The following SLCO1C1 variants were observed in gnomAD, a reference collection of about 807,000 sequenced individuals.
SLCO1C1 encodes OAT-RP-5.
SLCO1C1 carries 70 observed loss-of-function variants against 76.4 expected under a neutral mutation model. The ratio of observed to expected loss-of-function variants is 0.92; its 90% CI spans 0.76 to 1.12. The LOEUF (loss-of-function observed/expected upper bound fraction) is 1.12. Among genes scored for constraint, SLCO1C1 ranks in the 50% most tolerant of loss-of-function variants. SLCO1C1 has a pLI of 0.00. For missense variants in SLCO1C1, 912 were observed against 823.8 expected (o/e 1.11, Z -1.31); for synonymous variants, 306 against 286.1 (o/e 1.07, Z -0.70).
At chr12:20,712,961 C>T (rs1022809521) in intron 5 of SLCO1C1, among the ~76,000 whole-genome samples, 3 of 152,098 alleles carry the variant, frequency 2.0e-5, no homozygotes, top group African/African-American at 4.8e-5. Flanking sequence ...GAACAGCAGC[C>T]TTGTTTATGT....
intron 10 of SLCO1C1, among the ~76,000 whole-genome samples, chr12:20,733,319 AC>A (rs1413930088): frequency 3.9e-5 from 6 of 152,190 alleles, no homozygotes; most frequent in African/African-American, 1.4e-4. Context: ...AAATTGCTAA[AC>A]CCATATTTTA....
chr12:20,716,857 T>G (rs1236673479), intron 6 of SLCO1C1, among the ~76,000 whole-genome samples: 3 of 152,210 alleles, frequency 2.0e-5, no homozygotes, highest in Admixed American at 6.5e-5. Context: ...AAATAAAAGT[T>G]TTTTCCATTT....
intron 13 of SLCO1C1, among the ~76,000 whole-genome samples, chr12:20,749,431 C>A (rs1439270283): frequency 6.6e-6 from 1 of 152,138 alleles, no homozygotes; most frequent in East Asian, 1.9e-4. Context: ...TGACCATGGA[C>A]TGCCAGACAA....
chr12:20,740,356 T>C lies in SLCO1C1; in HGVS notation c.1721T>C (p.Ile574Thr), dbSNP rs1274093485. Residue 574 changes from isoleucine to threonine, a missense_variant, in exon 12 of 15, where the codon ATA (isoleucine) becomes ACA (threonine). Transcript: ENST00000266509. ...TLSLGGIPGY[I>T]LLLRCIKPQL... ...TCCCTAGGTGGCATACCTGGATACA[T>C]ATTACTTCTGAGGTGAGTACTGATT... The C allele has an allele frequency of 6.2e-7, 1 of 1,612,758 alleles. No homozygotes were observed. The highest frequency in any genetic ancestry group is 1.1e-5 in the South Asian group (1 of 90,826).
intron 14 of SLCO1C1, among the ~76,000 whole-genome samples, chr12:20,751,594 T>C (rs1056460016): frequency 6.6e-6 from 1 of 152,126 alleles, no homozygotes; most frequent in African/African-American, 2.4e-5. Context: ...TTTTGGTCTT[T>C]GAAAGGGACC....
intron 10 of SLCO1C1, among the ~76,000 whole-genome samples, chr12:20,733,361 A>C (rs1440489911): frequency 2.0e-5 from 3 of 152,196 alleles, no homozygotes; most frequent in Non-Finnish European, 4.4e-5. Flanking sequence ...TAATTTAGAA[A>C]AACAACATGA....
intron 9 of SLCO1C1, among the ~76,000 whole-genome samples, chr12:20,724,445 ATATATATGTGTGTGTG>A (rs1947851157): frequency 2.1e-5 from 2 of 96,514 alleles, no homozygotes; most frequent in African/African-American, 4.2e-5. Context: ...ATATATATAT[ATATATATGTGTGTGTG>A]TGTGTGTGTG....
chr12:20,723,431 C>G (rs1947781902), intron 9 of SLCO1C1, among the ~76,000 whole-genome samples, 177 bp downstream of exon 9: 1 of 151,866 alleles, frequency 6.6e-6, no homozygotes, highest in Non-Finnish European at 1.5e-5. Flanking sequence ...GGTAAGTAAC[C>G]CAGAGAGCAA....
intron 7 of SLCO1C1, among the ~76,000 whole-genome samples, chr12:20,717,599 T>TGACAGAAA (rs544983279): frequency 4.8e-5 from 7 of 146,858 alleles, no homozygotes; most frequent in Non-Finnish European, 1.0e-4. Flanking sequence ...TTTGGGGACT[T>TGACAGAAA]GACAGAAAGA....
At chr12:20,737,352 A>C in intron 11 of SLCO1C1, 80 bp downstream of exon 11, 1 of 1,405,566 alleles carries the variant, frequency 7.1e-7, no homozygotes, top group Non-Finnish European at 9.5e-7. Flanking sequence ...CTCACAGCAG[A>C]CCACTACTAG....
intron 9 of SLCO1C1, among the ~76,000 whole-genome samples, chr12:20,723,618 C>T (rs994299200): frequency 3.9e-5 from 6 of 152,072 alleles, no homozygotes; most frequent in Admixed American, 1.3e-4. Flanking sequence ...GATGTTCATT[C>T]CAAAACAAAA....
chr12:20,736,628 AT>A (rs1188145358), intron 10 of SLCO1C1, among the ~76,000 whole-genome samples: 12 of 152,074 alleles, frequency 7.9e-5, no homozygotes, highest in Non-Finnish European at 1.6e-4. Flanking sequence ...CTGATAACTG[AT>A]TGGCTATTTT....
At chr12:20,745,759 AG>A (rs1949015291) in intron 13 of SLCO1C1, among the ~76,000 whole-genome samples, 1 of 151,978 alleles carries the variant, frequency 6.6e-6, no homozygotes, top group African/African-American at 2.4e-5. Flanking sequence ...TGGTAGGCAG[AG>A]GTTGCAGTGA....
intron 13 of SLCO1C1, among the ~76,000 whole-genome samples, chr12:20,745,465 G>T (rs1949001847): frequency 6.6e-6 from 1 of 152,064 alleles, no homozygotes; most frequent in Non-Finnish European, 1.5e-5. Context: ...TAAAGCAATT[G>T]AAATGTTAAT....
At chr12:20,726,422 G>A (rs552846935) in intron 9 of SLCO1C1, among the ~76,000 whole-genome samples, 1 of 151,912 alleles carries the variant, frequency 6.6e-6, no homozygotes, top group Admixed American at 6.6e-5. Context: ...CTGTTACAAC[G>A]ACAACTTAGT....
chr12:20,750,526 A>G, intron 13 of SLCO1C1, 149 bp from the exon 14 acceptor site: 1 of 681,700 alleles, frequency 1.5e-6, no homozygotes, highest in South Asian at 1.8e-5. Flanking sequence ...ACTGGATTAG[A>G]GAGATAGGTT....
At chr12:20,730,028 G>A (rs1948195421) in intron 9 of SLCO1C1, among the ~76,000 whole-genome samples, 1 of 152,104 alleles carries the variant, frequency 6.6e-6, no homozygotes, top group South Asian at 2.1e-4. Context: ...GGAGGTCAAT[G>A]GAATCCAATA....
At chr12:20,696,146 C>T (rs942940225) in intron 1 of SLCO1C1, among the ~76,000 whole-genome samples, 1 of 152,112 alleles carries the variant, frequency 6.6e-6, no homozygotes, top group Non-Finnish European at 1.5e-5. Context: ...CATTACTCAA[C>T]ACAAAAATAG....
intron 5 of SLCO1C1, among the ~76,000 whole-genome samples, chr12:20,714,487 C>T (rs957099851): frequency 6.6e-6 from 1 of 152,130 alleles, no homozygotes; most frequent in Non-Finnish European, 1.5e-5. Flanking sequence ...GAATTTTACT[C>T]TAAAAATGCT....
Sources: gnomAD v4.1 joint callset for allele counts (sites outside exome capture counted in the v4.1 genomes callset) on GRCh38, gnomAD v4.1.1 for gene constraint, MANE v1.5 for transcripts, NCBI Gene and HGNC (gene_info 2026-07-23, HGNC 2026-07-21) for gene names.